Variants in DIAPH2 observed in about 807,000 individuals in gnomAD.
DIAPH2 encodes the protein diaphanous related formin 2.
A neutral mutation model predicts 92.7 loss-of-function variants in DIAPH2; 35 were observed. The observed-to-expected ratio is 0.38, with a 90% CI of 0.29 to 0.50. The LOEUF (loss-of-function observed/expected upper bound fraction) is 0.50. Ranked by LOEUF, DIAPH2 falls within the 20% of genes least tolerant of loss-of-function variation. The pLI is 0.94. For synonymous variants in DIAPH2, 301 were observed against 280.4 expected (o/e 1.07, Z -0.73); for missense variants, 701 against 819.5 (o/e 0.86, Z 1.77).
chrX:97,070,232 A>G (rs1419617752), intron 17 of DIAPH2, among the ~76,000 whole-genome samples: 1 of 111,168 alleles, frequency 9.0e-6, no homozygotes, highest in Non-Finnish European at 1.9e-5. Flanking sequence ...GTCTCGTTTG[A>G]CTGTGGGCCT....
chrX:96,826,787 A>G (rs1351903277), intron 4 of DIAPH2, among the ~76,000 whole-genome samples: 1 of 111,757 alleles, frequency 8.9e-6, no homozygotes, highest in Admixed American at 9.5e-5. Flanking sequence ...GTATCTTGCT[A>G]TGTTGCCTAG....
At chrX:97,463,313 C>G (rs1490738210) in intron 26 of DIAPH2, among the ~76,000 whole-genome samples, 1 of 102,635 alleles carries the variant, frequency 9.7e-6, no homozygotes, top group Non-Finnish European at 2.0e-5. Context: ...AAGTCTTTGA[C>G]AAGCCTAGGA....
intron 5 of DIAPH2, among the ~76,000 whole-genome samples, chrX:96,888,622 TATA>T (rs1325926521): frequency 4.9e-5 from 5 of 101,058 alleles, no homozygotes; most frequent in Non-Finnish European, 7.8e-5. Context: ...TATCTATATA[TATA>T]CACAGATATA....
At chrX:97,260,277 A>G (rs976541574) in intron 23 of DIAPH2, among the ~76,000 whole-genome samples, 7 of 112,833 alleles carry the variant, frequency 6.2e-5, no homozygotes, top group Non-Finnish European at 1.1e-4. Flanking sequence ...CTTACTGTCA[A>G]GGAGATTTTA....
intron 24 of DIAPH2, among the ~76,000 whole-genome samples, chrX:97,356,044 C>T (rs1417924617): frequency 8.9e-6 from 1 of 111,885 alleles, no homozygotes; most frequent in African/African-American, 3.2e-5. Flanking sequence ...GCCAAGGGTA[C>T]AGTTTCCTAC....
At chrX:97,388,518 C>T (rs1390830061) in intron 25 of DIAPH2, among the ~76,000 whole-genome samples, 1 of 111,086 alleles carries the variant, frequency 9.0e-6, no homozygotes, top group Non-Finnish European at 1.9e-5. Flanking sequence ...TGCCCAGCTG[C>T]TCTTAGTTAC....
At chrX:97,286,589 C>T (rs977168721) in intron 23 of DIAPH2, among the ~76,000 whole-genome samples, 1 of 111,288 alleles carries the variant, frequency 9.0e-6, no homozygotes, top group African/African-American at 3.3e-5. Flanking sequence ...CTCCATGCCA[C>T]ACATATTTTA....
chrX:96,890,936 T>A (rs926509504), intron 5 of DIAPH2, among the ~76,000 whole-genome samples: 1 of 112,023 alleles, frequency 8.9e-6, no homozygotes, highest in Admixed American at 9.5e-5. Flanking sequence ...CTGTTTATAC[T>A]CTGTAATAGT....
Position 97,211,980 on chromosome X carries a change from T to A in DIAPH2, c.2720-35735T>A, listed in dbSNP as rs758610713. Among the ~76,000 whole-genome samples the A allele has an allele frequency of 5.4e-5, 6 of 111,566 alleles. No homozygotes were observed. The Admixed American group carries it at 5.8e-4, about 11-fold the overall frequency. On this transcript the variant is annotated intron_variant, in intron 22 of 26. Coordinates refer to ENST00000324765, the MANE Select transcript of DIAPH2 (RefSeq NM_006729.5). ...AAAATCACAAAACAGATACCTATAATAAAACAATTGTCCTAAAGGATTATC... is the reference window on the plus strand; with the variant it reads ...AAAATCACAAAACAGATACCTATAAAAAAACAATTGTCCTAAAGGATTATC...
intron 24 of DIAPH2, among the ~76,000 whole-genome samples, chrX:97,357,651 G>T (rs914741673): frequency 9.0e-6 from 1 of 111,558 alleles, no homozygotes; most frequent in Non-Finnish European, 1.9e-5. Flanking sequence ...CCTACTGTGG[G>T]TCAAACACAG....
At chrX:97,125,451 G>A (rs967988835) in intron 21 of DIAPH2, among the ~76,000 whole-genome samples, 2 of 77,736 alleles carry the variant, frequency 2.6e-5, no homozygotes, top group African/African-American at 1.0e-4. Context: ...CAGCCTGGGT[G>A]ACAGAGAGTG....
At chrX:97,301,350 G>GT (rs2068704316) in intron 23 of DIAPH2, among the ~76,000 whole-genome samples, 1 of 110,560 alleles carries the variant, frequency 9.0e-6, no homozygotes, top group South Asian at 3.8e-4. Flanking sequence ...AAGTACAAAT[G>GT]TTTTTTATCT....
chrX:97,568,739 C>T (rs749555240), intron 26 of DIAPH2, among the ~76,000 whole-genome samples: 43 of 111,702 alleles, frequency 3.8e-4, no homozygotes, highest in Non-Finnish European at 7.0e-4. Context: ...CTTTCTATAA[C>T]CCATGTATGC....
intron 26 of DIAPH2, among the ~76,000 whole-genome samples, chrX:97,539,730 A>C (rs2071125337): frequency 8.9e-6 from 1 of 111,901 alleles, no homozygotes; most frequent in Admixed American, 9.5e-5. Flanking sequence ...TATGAATCTG[A>C]AATCAGTAAA....
chrX:97,481,541 T>C (rs1291105013), intron 26 of DIAPH2, among the ~76,000 whole-genome samples: 4 of 111,427 alleles, frequency 3.6e-5, no homozygotes, highest in Non-Finnish European at 7.5e-5. Flanking sequence ...AACCCAGTAG[T>C]ATTTTTGCTA....
At chrX:97,077,323 G>A (rs1239639559) in intron 19 of DIAPH2, among the ~76,000 whole-genome samples, 1 of 111,948 alleles carries the variant, frequency 8.9e-6, no homozygotes, top group Non-Finnish European at 1.9e-5. Context: ...TTGTTTCAGT[G>A]ATGGAAAAGT....
chrX:97,185,469 A>ATGTG (rs1322750911), intron 22 of DIAPH2, among the ~76,000 whole-genome samples: 2 of 34,125 alleles, frequency 5.9e-5, no homozygotes, highest in Admixed American at 5.7e-4. Context: ...ATATATATAT[A>ATGTG]TACACATATA....
chrX:97,291,139 C>A (rs975383308), intron 23 of DIAPH2, among the ~76,000 whole-genome samples: 2 of 109,685 alleles, frequency 1.8e-5, no homozygotes, highest in Non-Finnish European at 3.8e-5. Context: ...GTAATCCCAG[C>A]CCTTTGGGAG....
chrX:97,085,669 G>A (rs979891196), intron 19 of DIAPH2, among the ~76,000 whole-genome samples: 2 of 111,195 alleles, frequency 1.8e-5, no homozygotes, highest in African/African-American at 6.6e-5. Context: ...CGCCTGCCTC[G>A]GCCTCCCAAA....
Sources: allele counts gnomAD v4.1 joint callset (sites outside exome capture counted in the v4.1 genomes callset), GRCh38; gene constraint gnomAD v4.1.1; transcripts MANE v1.5; gene names NCBI Gene and HGNC (gene_info 2026-07-23, HGNC 2026-07-21).